The following PCDHA11 variants were observed in gnomAD, a reference collection of about 807,000 sequenced individuals.
PCDHA11 encodes the protein protocadherin alpha-11.
A neutral mutation model predicts 70.3 loss-of-function variants in PCDHA11; 61 were observed. The ratio of observed to expected loss-of-function variants is 0.87; its 90% CI spans 0.71 to 1.07. PCDHA11 has a LOEUF of 1.07. PCDHA11 is among the 50% of genes least tolerant of loss of function. PCDHA11 has a pLI of 0.00. For missense variants in PCDHA11, 1,324 were observed against 1,237.5 expected, an observed-to-expected ratio of 1.07 and a Z score of -1.05; for synonymous variants, 633 against 555.1, an observed-to-expected ratio of 1.14 and a Z score of -1.97.
chr5:140,871,607 AT>A, intron 1 of PCDHA11, 113 bp downstream of exon 1: 1 of 1,438,710 alleles, frequency 7.0e-7, no homozygotes. Flanking sequence ...AGTGTTTTGA[AT>A]ATTGTTTTAG....
intron 1 of PCDHA11, chr5:140,969,211 A>T: frequency 6.2e-7 from 1 of 1,614,206 alleles, no homozygotes; most frequent in Non-Finnish European, 8.5e-7. Context: ...GGGCCCAGAC[A>T]GGACCAGGGC....
intron 1 of PCDHA11, chr5:140,884,494 C>A: frequency 6.2e-7 from 1 of 1,614,068 alleles, no homozygotes; most frequent in Non-Finnish European, 8.5e-7. Context: ...TAGTGTGCTC[C>A]AGCGCGGCAG....
intron 1 of PCDHA11, among the ~76,000 whole-genome samples, chr5:140,962,908 C>G (rs2095718284): frequency 1.3e-5 from 2 of 152,146 alleles, no homozygotes. Context: ...AGCTCCTTCC[C>G]TATTTGACAG....
chr5:140,886,127 C>T (rs1308479455), intron 1 of PCDHA11, among the ~76,000 whole-genome samples: 5 of 152,172 alleles, frequency 3.3e-5, no homozygotes, highest in African/African-American at 1.2e-4. Flanking sequence ...AGTTCCGTAA[C>T]AACCAGATTC....
intron 1 of PCDHA11, among the ~76,000 whole-genome samples, chr5:140,934,122 TATTA>T (rs2153618298): frequency 6.6e-6 from 1 of 152,300 alleles, no homozygotes; most frequent in East Asian, 1.9e-4. Flanking sequence ...TTTCATACTT[TATTA>T]ATTTATTTCC....
chr5:140,981,446 T>C (rs1586884316), intron 2 of PCDHA11, among the ~76,000 whole-genome samples: 4 of 152,058 alleles, frequency 2.6e-5, no homozygotes, highest in Admixed American at 1.3e-4. Context: ...TGGTGGCGGG[T>C]GCCTGTAGTC....
intron 1 of PCDHA11, among the ~76,000 whole-genome samples, chr5:140,956,241 T>G (rs1396335938): frequency 1.3e-5 from 2 of 152,204 alleles, no homozygotes; most frequent in African/African-American, 4.8e-5. Context: ...TCAAGGGGAA[T>G]GCTTCCAGGT....
chr5:140,870,852 G>A lies in PCDHA11; in HGVS notation c.1749G>A (p.Ser583=), dbSNP rs782301779. 4.3e-6 allele frequency: 7 copies of A among 1,613,862 alleles called. No individual in the cohort carries two copies. In the Admixed American group the frequency reaches 1.0e-4, roughly 23 times the overall value. ...CAGTTAACAAGCTAGTACCGCGGTCGGTGGGTGCGGGCCACGTGGTGGCGA... is the reference window on the plus strand; with the variant it reads ...CAGTTAACAAGCTAGTACCGCGGTCAGTGGGTGCGGGCCACGTGGTGGCGA... The part of the protein sequence containing the change: ...GGAVNKLVPR[S]VGAGHVVAKV... Residue 583 remains serine (S), a synonymous_variant, in exon 1 of 4, where the codon TCG becomes TCA. Transcript: ENST00000398640.
intron 1 of PCDHA11, chr5:140,882,264 G>C: frequency 6.2e-7 from 1 of 1,609,300 alleles, no homozygotes; most frequent in Non-Finnish European, 8.5e-7. Context: ...TTTTTGGAGT[G>C]TACCATGCTG....
Position 140,979,061 on chromosome 5 carries a change from A to G in PCDHA11, c.2450+54A>G, listed in dbSNP as rs374803810. 155 of 1,605,246 alleles carry G rather than the reference A, an allele frequency of 9.7e-5. No individual in the cohort carries two copies. The African/African-American group carries it at 1.8e-3, about 19-fold the overall frequency. On this transcript the variant is annotated intron_variant, in intron 2 of 3. Coordinates refer to ENST00000398640, the MANE Select transcript of PCDHA11 (RefSeq NM_018902.5). ...AAGTAACCTTAACTTGGTATGGCTC[A>G]GATAAACTGCATCTCCATAGGCCAG...
chr5:140,917,449 C>G (rs1290889939), intron 1 of PCDHA11, among the ~76,000 whole-genome samples: 1 of 152,006 alleles, frequency 6.6e-6, no homozygotes, highest in Admixed American at 6.6e-5. Context: ...GCTGCAAGAG[C>G]GTTTGGCATC....
At chr5:140,960,743 G>A (rs1328860955) in intron 1 of PCDHA11, among the ~76,000 whole-genome samples, 3 of 151,482 alleles carry the variant, frequency 2.0e-5, no homozygotes, top group Non-Finnish European at 4.4e-5. Flanking sequence ...TTTAGTCCAT[G>A]GCTAAAATCC....
intron 1 of PCDHA11, among the ~76,000 whole-genome samples, chr5:140,885,299 G>A (rs904206700): frequency 3.9e-5 from 6 of 152,042 alleles, no homozygotes; most frequent in African/African-American, 1.4e-4. Context: ...GAGAGACCTG[G>A]TAGGCTTTTT....
intron 1 of PCDHA11, among the ~76,000 whole-genome samples, chr5:140,918,149 A>G (rs2078550151): frequency 1.3e-5 from 2 of 151,946 alleles, no homozygotes; most frequent in African/African-American, 4.8e-5. Flanking sequence ...CTTTTTGTGT[A>G]TGTCTATTGT....
intron 3 of PCDHA11, among the ~76,000 whole-genome samples, chr5:141,007,475 C>T (rs575810038): frequency 1.2e-4 from 18 of 151,396 alleles, no homozygotes; most frequent in Non-Finnish European, 2.1e-4. Flanking sequence ...GGCTGAGGCA[C>T]GAGAATTACT....
At chr5:140,884,523 A>T (rs1393275293) in intron 1 of PCDHA11, 1 of 1,614,030 alleles carries the variant, frequency 6.2e-7, no homozygotes, top group Non-Finnish European at 8.5e-7. Flanking sequence ...TCGTACTCGC[A>T]GCAGAGGCGG....
intron 1 of PCDHA11, chr5:140,882,397 C>T (rs1554173926): frequency 6.2e-7 from 1 of 1,614,190 alleles, no homozygotes; most frequent in South Asian, 1.1e-5. Flanking sequence ...AACACGGCAC[C>T]TTCGTGGGCC....
chr5:140,958,724 A>G (rs1563299236), intron 1 of PCDHA11, among the ~76,000 whole-genome samples: 1 of 152,188 alleles, frequency 6.6e-6, no homozygotes, highest in Admixed American at 6.5e-5. Context: ...TAAATGTAAC[A>G]CTGAATGGGA....
intron 1 of PCDHA11, chr5:140,930,181 T>C (rs1170637205): frequency 2.0e-5 from 3 of 152,216 alleles, no homozygotes; most frequent in African/African-American, 7.2e-5. Flanking sequence ...AGAGGAAAGA[T>C]GAGTAATTTT....
Sources: allele counts gnomAD v4.1 joint callset (sites outside exome capture counted in the v4.1 genomes callset), GRCh38; gene constraint gnomAD v4.1.1; transcripts MANE v1.5; gene names NCBI Gene and HGNC (gene_info 2026-07-23, HGNC 2026-07-21).